The following KRT33B variants were observed in gnomAD, a reference collection of about 807,000 sequenced individuals.
The protein encoded by KRT33B is keratin, type I cuticular Ha3-II.
Under a neutral mutation model 42.7 loss-of-function variants are expected in KRT33B, and 37 were observed. That is an observed-to-expected ratio of 0.87 (90% CI 0.67 to 1.14). The LOEUF (loss-of-function observed/expected upper bound fraction) is 1.14. KRT33B is among the 50% of genes most tolerant of loss of function. The probability of loss-of-function intolerance (pLI) is 0.00; values close to 1 mark genes in which losing one functional copy is unlikely to be tolerated. For missense variants in KRT33B, 523 were observed against 515.1 expected (o/e 1.02, Z -0.15); for synonymous variants, 237 against 221.2 (o/e 1.07, Z -0.63).
chr17:41,364,854 A>G lies in KRT33B; in HGVS notation c.1022T>C (p.Val341Ala). The change falls in exon 6 of 7, where the codon GTG becomes GCG. Residue 341 changes from valine (V) to alanine (A), a missense_variant. Physicochemically the swap from Val to Ala is moderately conservative, Grantham distance 64. Transcript: ENST00000251646. Reference sequence around the variant, plus strand: ...CAGCCGCGCCCGCACGTCCAGCAGCACCTGATACTCCTGGTTCTGCCGCTC... The same window carrying G: ...CAGCCGCGCCCGCACGTCCAGCAGCGCCTGATACTCCTGGTTCTGCCGCTC... ...DLERQNQEYQ[V>A]LLDVRARLEC... 2 of 1,613,132 alleles carry G rather than the reference A, an allele frequency of 1.2e-6. No homozygotes were observed. The highest frequency in any genetic ancestry group is 1.7e-6 in the Non-Finnish European group (2 of 1,180,014).
intron 1 of KRT33B, among the ~76,000 whole-genome samples, chr17:41,368,268 T>A (rs2017726644): frequency 6.6e-6 from 1 of 151,354 alleles, no homozygotes; most frequent in Non-Finnish European, 1.5e-5. Context: ...TGACCAACCA[T>A]CCCAGTTAAC....
rs374912971 is a variant in KRT33B, at chr17:41,365,134, C to T, written c.876+41G>A. On this transcript the variant is annotated intron_variant, in intron 5 of 6. Transcript: ENST00000251646. Reference sequence around the variant, plus strand: ...AGGGCATCCCCAAGACTCTGCCTCCCAAGTTCCCATCGCTCACCAGCAGGT... The same window carrying T: ...AGGGCATCCCCAAGACTCTGCCTCCTAAGTTCCCATCGCTCACCAGCAGGT... 4.3e-6 allele frequency: 7 copies of T among 1,609,710 alleles called. 1 individual carries two copies. The African/African-American group carries it at 9.5e-5, about 22-fold the overall frequency.
At chr17:41,368,814 C>A (rs550273088) in intron 1 of KRT33B, among the ~76,000 whole-genome samples, 1 of 151,328 alleles carries the variant, frequency 6.6e-6, no homozygotes, top group South Asian at 2.1e-4. Context: ...CCCTCCCAAA[C>A]CTACACCAGG....
In KRT33B at chr17:41,364,839, C is replaced by A. The variant is rs777408710; in HGVS notation, c.1037G>T (p.Arg346Leu). ...NQEYQVLLDV[R>L]ARLECEINTY... The stretch of plus-strand genomic sequence containing the variant: ...GTTGATCTCACACTCCAGCCGCGCC[C>A]GCACGTCCAGCAGCACCTGATACTC... Residue 346 changes from arginine (R) to leucine (L), a missense_variant, in exon 6 of 7, where the codon CGG (arginine) becomes CTG (leucine). Transcript: ENST00000251646. 6.2e-7 allele frequency: 1 copy of A among 1,612,738 alleles called. No individual in the cohort carries two copies. The highest frequency in any genetic ancestry group is 8.5e-7 in the Non-Finnish European group (1 of 1,179,942).
In KRT33B at chr17:41,369,558, C is replaced by A; in HGVS notation, c.193G>T (p.Asp65Tyr). The change falls in exon 1 of 7, where the codon GAC becomes TAC. Residue 65 changes from aspartate (D) to tyrosine (Y), a missense_variant. Coordinates refer to ENST00000251646, the MANE Select transcript of KRT33B (RefSeq NM_002279.5). ...SEKETMQFLNDRLASYLEKVR... is the reference protein window; with the variant it reads ...SEKETMQFLNYRLASYLEKVR... ...TTCTCCAGGTAGCTGGCCAGGCGGT[C>A]GTTCAGGAACTGCATAGTCTCCTTC... 1.2e-6 allele frequency: 2 copies of A among 1,613,916 alleles called. No individual in the cohort carries two copies. The highest frequency in any genetic ancestry group is 2.2e-5 in the South Asian group (2 of 91,072).
chr17:41,368,800 G>A (rs890868688), intron 1 of KRT33B, among the ~76,000 whole-genome samples: 1 of 151,014 alleles, frequency 6.6e-6, no homozygotes, highest in African/African-American at 2.5e-5. Flanking sequence ...GCCTCTTCTG[G>A]GATCCCTCCC....
At chr17:41,367,628 C>T (rs888585563) in intron 2 of KRT33B, among the ~76,000 whole-genome samples, 1 of 151,220 alleles carries the variant, frequency 6.6e-6, no homozygotes, top group Non-Finnish European at 1.5e-5. Context: ...CACTTGAATC[C>T]GGGAGGCGGA....
At position 41,369,483 on chromosome 17, in the gene KRT33B, C is replaced by T. The variant is rs1210131504; in HGVS notation, c.268G>A (p.Glu90Lys). The T allele has an allele frequency of 1.2e-6, 2 of 1,613,840 alleles. No homozygotes were observed. Among genetic ancestry groups the T allele is most frequent in the African/African-American group, 1.3e-5 (1 of 74,684 alleles). Residue 90 changes from glutamate (E) to lysine (K), a missense_variant, in exon 1 of 7, where the codon GAG (glutamate) becomes AAG (lysine). Glu to Lys is a moderately conservative substitution (Grantham distance 56). Coordinates refer to ENST00000251646, the MANE Select transcript of KRT33B (RefSeq NM_002279.5). ...DNAELENLIR[E>K]RSQQQEPLLC... ...AAGGGCTCCTGCTGCTGAGACCGCTCCCGGATGAGGTTCTCCAGCTCCGCG... is the reference window on the plus strand; with the variant it reads ...AAGGGCTCCTGCTGCTGAGACCGCTTCCGGATGAGGTTCTCCAGCTCCGCG...
Position 41,369,577 on chromosome 17 carries a change from C to T in KRT33B, c.174G>A (p.Glu58=), listed in dbSNP as rs2017749904. 1.2e-6 allele frequency: 2 copies of T among 1,613,710 alleles called. No homozygotes were observed. The highest frequency in any genetic ancestry group is 1.7e-6 in the Non-Finnish European group (2 of 1,180,054). Residue 58 remains glutamate, a synonymous_variant, in exon 1 of 7, where the codon GAG becomes GAA. Coordinates refer to ENST00000251646, the MANE Select transcript of KRT33B (RefSeq NM_002279.5). ...GGCGGTCGTTCAGGAACTGCATAGTCTCCTTCTCGCTGCCATTGAAGGAGC... is the reference window on the plus strand; with the variant it reads ...GGCGGTCGTTCAGGAACTGCATAGTTTCCTTCTCGCTGCCATTGAAGGAGC... The part of the protein sequence containing the change: ...CEGSFNGSEK[E]TMQFLNDRLA...
chr17:41,366,390 G>A (rs2017700616), intron 3 of KRT33B, 80 bp downstream of exon 3: 2 of 1,544,968 alleles, frequency 1.3e-6, no homozygotes, highest in Non-Finnish European at 1.8e-6. Flanking sequence ...AGGGTGCTTA[G>A]CAAATCAAAT....
intron 2 of KRT33B, among the ~76,000 whole-genome samples, chr17:41,366,900 C>T (rs1189483304): frequency 6.6e-6 from 1 of 151,222 alleles, no homozygotes; most frequent in African/African-American, 2.5e-5. Flanking sequence ...CAACTAAGCC[C>T]TGCTGCTTTT....
rs778647898 is a variant in KRT33B at position 41,369,656 on chromosome 17, G to C, written c.95C>G (p.Pro32Arg). 2 of 1,613,888 alleles carry C rather than the reference G, an allele frequency of 1.2e-6. No homozygotes were observed. Among genetic ancestry groups the C allele is most frequent in the East Asian group, 2.2e-5 (1 of 44,878 alleles). The change falls in exon 1 of 7, where the codon CCC (proline) becomes CGC (arginine). Residue 32 changes from proline (P) to arginine (R), a missense_variant. By Grantham distance (103) the Pro-to-Arg change is moderately radical. Coordinates refer to ENST00000251646, the MANE Select transcript of KRT33B (RefSeq NM_002279.5). ...VPPSCHGYTL[P>R]GACNIPANVS... ...ATTGGCAGGGATGTTGCAGGCCCCG[G>C]GCAGGGTGTAGCCGTGGCAGCTGGG...
At position 41,366,516 on chromosome 17, in the gene KRT33B, T is replaced by A. The variant is rs1264612181; in HGVS notation, c.542A>T (p.Glu181Val). 1.2e-6 allele frequency: 2 copies of A among 1,612,688 alleles called. No homozygotes were observed. Among genetic ancestry groups the A allele is most frequent in the South Asian group, 2.2e-5 (2 of 91,080 alleles). The change falls in exon 3 of 7, where the codon GAG (glutamate) becomes GTG (valine). Residue 181 changes from glutamate to valine, a missense_variant. Physicochemically the swap from Glu to Val is moderately radical, Grantham distance 121. Coordinates refer to ENST00000251646, the MANE Select transcript of KRT33B (RefSeq NM_002279.5). ...GGACAGCAGCTCCTCCTTCAGGGAC[T>A]CCATCTGGGCCTCCAGGTCAGACCT... The part of the protein sequence containing the change: ...LCRSDLEAQM[E>V]SLKEELLSLK...
intron 1 of KRT33B, among the ~76,000 whole-genome samples, chr17:41,368,323 A>G (rs1349851572): frequency 2.6e-5 from 4 of 151,328 alleles, no homozygotes; most frequent in African/African-American, 9.9e-5. Context: ...GAAAAATCCC[A>G]GGCAAGCCAG....
At position 41,364,824 on chromosome 17, in the gene KRT33B, C is replaced by T; in HGVS notation, c.1052G>A (p.Cys351Tyr). ...CAGGCTCCGGTATGTGTTGATCTCA[C>T]ACTCCAGCCGCGCCCGCACGTCCAG... ...VLLDVRARLE[C>Y]EINTYRSLLE... The change falls in exon 6 of 7, where the codon TGT becomes TAT. Residue 351 changes from cysteine (C) to tyrosine (Y), a missense_variant. Coordinates refer to ENST00000251646, the MANE Select transcript of KRT33B (RefSeq NM_002279.5). 2 of 1,612,194 alleles carry T rather than the reference C, an allele frequency of 1.2e-6. No homozygotes were observed. The highest frequency in any genetic ancestry group is 1.7e-6 in the Non-Finnish European group (2 of 1,179,816).
Position 41,369,549 on chromosome 17 carries a change from C to G in KRT33B, c.202G>C (p.Ala68Pro). The G allele has an allele frequency of 1.2e-6, 2 of 1,613,994 alleles. No individual in the cohort carries two copies. Among genetic ancestry groups the G allele is most frequent in the Non-Finnish European group, 8.5e-7 (1 of 1,180,042 alleles). ...ETMQFLNDRL[A>P]SYLEKVRQLE... ...TGACGCACCTTCTCCAGGTAGCTGG[C>G]CAGGCGGTCGTTCAGGAACTGCATA... The change falls in exon 1 of 7, where the codon GCC becomes CCC. Residue 68 changes from alanine to proline, a missense_variant. By Grantham distance (27) the Ala-to-Pro change is conservative. Transcript: ENST00000251646.
chr17:41,368,609 T>TAACA (rs1286288603), intron 1 of KRT33B, among the ~76,000 whole-genome samples: 2 of 151,274 alleles, frequency 1.3e-5, no homozygotes, highest in African/African-American at 4.9e-5. Context: ...ACCCCAGCAC[T>TAACA]GTGCCTAACA....
At chr17:41,365,121 A>C (rs1020237021) in intron 5 of KRT33B, 54 bp downstream of exon 5, 9 of 1,609,402 alleles carry the variant, frequency 5.6e-6, no homozygotes, top group Non-Finnish European at 7.6e-6. Context: ...GGCATCCCCA[A>C]GACTCTGCCT....
At chr17:41,367,165 A>G (rs768444344) in intron 2 of KRT33B, among the ~76,000 whole-genome samples, 11 of 151,410 alleles carry the variant, frequency 7.3e-5, no homozygotes, top group Non-Finnish European at 1.3e-4. Context: ...TTATGTTGTA[A>G]AATGTAAGAT....
Sources: allele counts gnomAD v4.1 joint callset (sites outside exome capture counted in the v4.1 genomes callset), GRCh38; gene constraint gnomAD v4.1.1; transcripts MANE v1.5; gene names NCBI Gene and HGNC (gene_info 2026-07-23, HGNC 2026-07-21).